YBX2: variants seen among roughly 807,000 people sequenced by gnomAD.
YBX2 encodes Y-box-binding protein 2.
In YBX2, 5 loss-of-function variants were observed where a neutral mutation model predicts 44.4. That is an observed-to-expected ratio of 0.11 (90% CI 0.06 to 0.24). The LOEUF (loss-of-function observed/expected upper bound fraction) is 0.24. Among genes scored for constraint, YBX2 ranks in the 10% least tolerant of loss-of-function variants. YBX2 has a pLI of 1.00. For synonymous variants in YBX2, 188 were observed against 216.1 expected, an observed-to-expected ratio of 0.87 and a Z score of 1.14; for missense variants, 417 against 526.9, an observed-to-expected ratio of 0.79 and a Z score of 2.04.
chr17:7,292,132 A>G (rs2072505793), intron 2 of YBX2, 73 bp from the exon 3 acceptor site: 1 of 1,569,210 alleles, frequency 6.4e-7, no homozygotes, highest in East Asian at 2.2e-5. Context: ...GTCCCCCTAG[A>G]TGCCCAGTCT....
intron 7 of YBX2, among the ~76,000 whole-genome samples, 154 bp downstream of exon 7, chr17:7,289,376 G>A (rs866690587): frequency 6.6e-6 from 1 of 151,574 alleles, no homozygotes; most frequent in South Asian, 2.1e-4. Flanking sequence ...GCACCTGCCA[G>A]GGGGGGACCC....
chr17:7,288,694 C>T, intron 8 of YBX2, 51 bp from the exon 9 acceptor site: 6 of 1,445,972 alleles, frequency 4.1e-6, no homozygotes, highest in South Asian at 2.3e-5. Context: ...GACTTGTCAT[C>T]GCCACCCAGT....
chr17:7,289,215 C>T lies in YBX2; in HGVS notation c.1044+315G>A, dbSNP rs1372619076. 3.3e-5 allele frequency among the ~76,000 whole-genome samples: 5 copies of T among 152,058 alleles called. No individual in the cohort carries two copies. The East Asian group carries it at 5.8e-4, about 18-fold the overall frequency. ...CAACCTTCTTTCACTTTTTCCCTTC[C>T]CATTAAAACCTCAATCACACCCCTC... On this transcript the variant is annotated intron_variant, in intron 7 of 8. Transcript: ENST00000007699.
At chr17:7,289,154 G>A (rs1465917743) in intron 7 of YBX2, among the ~76,000 whole-genome samples, 4 of 152,130 alleles carry the variant, frequency 2.6e-5, no homozygotes, top group Non-Finnish European at 4.4e-5. Flanking sequence ...GAGACATCGC[G>A]CAGGGCTGAG....
chr17:7,294,560 G>T lies in YBX2; in HGVS notation c.-60C>A. 2 of 1,370,202 alleles carry T rather than the reference G, an allele frequency of 1.5e-6. No homozygotes were observed. Among genetic ancestry groups the T allele is most frequent in the South Asian group, 1.5e-5 (1 of 67,124 alleles). The allele number at this position is 1,370,202 out of a possible 1,614,324, so 84.9% of individuals were successfully genotyped here. ...GCCCCGGCCCCTCCCCCCGGCTCGC[G>T]AACCCACCGCCCTGCTCGGTCCTCG... On this transcript the variant is annotated 5_prime_UTR_variant, in exon 1 of 9. Coordinates refer to ENST00000007699, the MANE Select transcript of YBX2 (RefSeq NM_015982.4). This position sits in a 1 kb window ranked among gnomAD's most constrained non-coding sequence, Gnocchi z 4.6.
Position 7,291,620 on chromosome 17 carries a change from T to C in YBX2, c.369+406A>G, listed in dbSNP as rs944561897. 38 of 375,534 alleles carry C rather than the reference T, an allele frequency of 1.0e-4. 1 individual carries two copies. In the Middle Eastern group the frequency reaches 5.3e-3, roughly 52 times the overall value. The allele number at this position is 375,534 out of a possible 1,614,324, so 23.3% of individuals were successfully genotyped here. On this transcript the variant is annotated intron_variant, in intron 3 of 8. Coordinates refer to ENST00000007699, the MANE Select transcript of YBX2 (RefSeq NM_015982.4). This position sits in a 1 kb window ranked among gnomAD's most constrained non-coding sequence, Gnocchi z 5.8. ...TCACCTGGAGAGCTCGTTAAACCGA[T>C]TGTGGAGCCCCAGCCCCAGCTCTGA...
In YBX2 at chr17:7,289,683, A is replaced by G; in HGVS notation, c.891T>C (p.Gly297=). 6.2e-7 allele frequency: 1 copy of G among 1,614,060 alleles called. No individual in the cohort carries two copies. Among genetic ancestry groups the G allele is most frequent in the Non-Finnish European group, 8.5e-7 (1 of 1,179,982 alleles). The change falls in exon 7 of 9, where the codon GGT becomes GGC. Residue 297 remains glycine (G), a synonymous_variant. Transcript: ENST00000007699. ...PRPRQQPTTE[G]GDGETKPSQG... ...GGCTGGGCTTGGTCTCACCATCCCC[A>G]CCTTCTGTGGTAGGCTGCTGGCGTG...
intron 5 of YBX2, 73 bp from the exon 6 acceptor site, chr17:7,290,144 G>A (rs2072490251): frequency 6.2e-7 from 1 of 1,610,658 alleles, no homozygotes; most frequent in South Asian, 1.1e-5. Context: ...CCACAGCTCT[G>A]CCCAACCCTC....
intron 4 of YBX2, 36 bp from the exon 5 acceptor site, chr17:7,290,571 C>T: frequency 6.2e-7 from 1 of 1,601,678 alleles, no homozygotes. Context: ...AGAACCTGCT[C>T]CAACAGCCAA....
Position 7,291,829 on chromosome 17 carries a change from G to C in YBX2, c.369+197C>G. 3.0e-6 allele frequency: 2 copies of C among 669,682 alleles called. No individual in the cohort carries two copies. Among genetic ancestry groups the C allele is most frequent in the Admixed American group, 4.8e-5 (2 of 41,564 alleles). The allele number at this position is 669,682 out of a possible 1,614,324, so 41.5% of individuals were successfully genotyped here. On this transcript the variant is annotated intron_variant, in intron 3 of 8. Transcript: ENST00000007699. The surrounding 1 kb of genome is among the most constrained non-coding windows in gnomAD (Gnocchi z 5.8). ...GGTAGTAAGCGTGCCATGCCCAGGGGTAACATGCTCAATTCTGACGGACGT... is the reference window on the plus strand; with the variant it reads ...GGTAGTAAGCGTGCCATGCCCAGGGCTAACATGCTCAATTCTGACGGACGT...
chr17:7,293,988 G>A (rs1284710418), intron 1 of YBX2: 17 of 489,028 alleles, frequency 3.5e-5, no homozygotes, highest in Non-Finnish European at 4.7e-5. Flanking sequence ...GCCGGACCCT[G>A]GGGCTTTATT....
chr17:7,293,643 T>A (rs558468239), intron 1 of YBX2, 105 bp from the exon 2 acceptor site: 23 of 1,575,922 alleles, frequency 1.5e-5, no homozygotes, highest in Non-Finnish European at 1.9e-5. Context: ...CCTACTGCCT[T>A]ATTACCTATT....
chr17:7,290,336 G>A lies in YBX2; in HGVS notation c.659C>T (p.Pro220Leu), dbSNP rs146357762. 3.7e-6 allele frequency: 6 copies of A among 1,613,798 alleles called. No individual in the cohort carries two copies. Among genetic ancestry groups the A allele is most frequent in the Non-Finnish European group, 5.1e-6 (6 of 1,180,004 alleles). ...GERAEDSGQR[P>L]RRWCPPPFFY... ...GAAGGGTGGGGGGCACCATCGTCGG[G>A]GCCGTTGCCCAGAGTCTTCAGCCCG... Residue 220 changes from proline to leucine, a missense_variant, in exon 5 of 9, where the codon CCC becomes CTC. This residue lies in a region of YBX2 where 257 missense variants were observed against 261.7 expected (regional missense o/e 0.98). Transcript: ENST00000007699.
chr17:7,293,774 C>A, intron 1 of YBX2: 1 of 739,010 alleles, frequency 1.4e-6, no homozygotes, highest in Non-Finnish European at 2.1e-6. Context: ...AACTCTAAGT[C>A]ACGTTCCCCA....
Position 7,289,977 on chromosome 17 carries a change from C to G in YBX2, c.839G>C (p.Arg280Thr), listed in dbSNP as rs749339636. 3 of 1,614,244 alleles carry G rather than the reference C, an allele frequency of 1.9e-6. No homozygotes were observed. The Admixed American group carries it at 5.0e-5, about 27-fold the overall frequency. The change falls in exon 6 of 9, where the codon AGG becomes ACG. Residue 280 changes from arginine to threonine, a missense_variant. Arg to Thr is a moderately conservative substitution (Grantham distance 71). Around this residue, in one of 3 missense-constraint regions of YBX2, gnomAD observed 257 missense variants for 261.7 expected, o/e 0.98. Coordinates refer to ENST00000007699, the MANE Select transcript of YBX2 (RefSeq NM_015982.4). Reference sequence around the variant, plus strand: ...AGCAGGGGGGTCTTACCTTCGGTACCTGGGCCGGAATCTGGGCGGGGGGAC... The same window carrying G: ...AGCAGGGGGGTCTTACCTTCGGTACGTGGGCCGGAATCTGGGCGGGGGGAC... Reference protein sequence around the residue: ...ERVPPPRFRPRYRRPFRPRPR... With the variant: ...ERVPPPRFRPTYRRPFRPRPR...
chr17:7,290,011 C>T lies in YBX2; in HGVS notation c.805G>A (p.Asp269Asn). 6.2e-7 allele frequency: 1 copy of T among 1,614,264 alleles called. No individual in the cohort carries two copies. Among genetic ancestry groups the T allele is most frequent in the Non-Finnish European group, 8.5e-7 (1 of 1,180,046 alleles). Reference sequence around the variant, plus strand: ...AATCTGGGCGGGGGGACTCGCTCATCTCCCTGCTGTTGGTGCCCCTCCAAT... The same window carrying T: ...AATCTGGGCGGGGGGACTCGCTCATTTCCCTGCTGTTGGTGCCCCTCCAAT... ...APLEGHQQQG[D>N]ERVPPPRFRP... The change falls in exon 6 of 9, where the codon GAT (aspartate) becomes AAT (asparagine). Residue 269 changes from aspartate (D) to asparagine (N), a missense_variant. Asp to Asn is a conservative substitution (Grantham distance 23, BLOSUM62 1). Transcript: ENST00000007699.
At chr17:7,293,633 C>T in intron 1 of YBX2, 95 bp from the exon 2 acceptor site, 10 of 1,592,032 alleles carry the variant, frequency 6.3e-6, no homozygotes, top group Non-Finnish European at 7.7e-6. Context: ...AAAAATCTAG[C>T]CTACTGCCTT....
rs577333848 is a variant in YBX2, at chr17:7,291,849, G to C, written c.369+177C>G. On this transcript the variant is annotated intron_variant, in intron 3 of 8. Coordinates refer to ENST00000007699, the MANE Select transcript of YBX2 (RefSeq NM_015982.4). This position sits in a 1 kb window ranked among gnomAD's most constrained non-coding sequence, Gnocchi z 5.8. ...CAGGGGTAACATGCTCAATTCTGAC[G>C]GACGTTTAGTAACCCAGCACAAGTG... The C allele has an allele frequency of 1.3e-6, 1 of 748,554 alleles. No individual in the cohort carries two copies. The highest frequency in any genetic ancestry group is 2.3e-6 in the Non-Finnish European group (1 of 439,424). 46.4% of individuals were successfully genotyped at this position (748,554 alleles called of 1,614,324 possible).
Position 7,291,467 on chromosome 17 carries a change from C to T in YBX2, c.370-285G>A. Reference sequence around the variant, plus strand: ...CAGAAAGGGAGGCAAGAAATATGAACTCCAAAGCAAAAGGCAGGGACAGCC... The same window carrying T: ...CAGAAAGGGAGGCAAGAAATATGAATTCCAAAGCAAAAGGCAGGGACAGCC... On this transcript the variant is annotated intron_variant, in intron 3 of 8. Coordinates refer to ENST00000007699, the MANE Select transcript of YBX2 (RefSeq NM_015982.4). This position sits in a 1 kb window ranked among gnomAD's most constrained non-coding sequence, Gnocchi z 5.8. 1 of 486,994 alleles carries T rather than the reference C, an allele frequency of 2.1e-6. No individual in the cohort carries two copies. The highest frequency in any genetic ancestry group is 3.7e-6 in the Non-Finnish European group (1 of 266,724). 30.2% of individuals were successfully genotyped at this position (486,994 alleles called of 1,614,324 possible). A position where few individuals can be genotyped will look rare whatever the true frequency, so the allele number is the denominator to read the frequency against.
Sources: allele counts gnomAD v4.1 joint callset (sites outside exome capture counted in the v4.1 genomes callset), GRCh38; gene constraint gnomAD v4.1.1; regional missense constraint gnomAD v4.1.1; non-coding constraint Gnocchi (gnomAD v3.1); transcripts MANE v1.5; gene names NCBI Gene and HGNC (gene_info 2026-07-23, HGNC 2026-07-21).